Variants in SGCD observed in about 807,000 individuals in gnomAD.
SGCD encodes sarcoglycan delta, also known as delta-sarcoglycan.
A neutral mutation model predicts 36.6 loss-of-function variants in SGCD; 18 were observed. That is an observed-to-expected ratio of 0.49 (90% CI 0.34 to 0.73). The LOEUF (loss-of-function observed/expected upper bound fraction) is 0.73. SGCD is among the 30% of genes least tolerant of loss of function. The probability of loss-of-function intolerance (pLI) is 0.01; values close to 1 mark genes in which losing one functional copy is unlikely to be tolerated. For synonymous variants in SGCD, 133 were observed against 130.6 expected (o/e 1.02, Z -0.12); for missense variants, 387 against 346.7 (o/e 1.12, Z -0.92).
At chr5:156,569,459 G>T (rs989282154) in intron 4 of SGCD, among the ~76,000 whole-genome samples, 1 of 152,072 alleles carries the variant, frequency 6.6e-6, no homozygotes, top group Non-Finnish European at 1.5e-5. Context: ...AGGCATGGTG[G>T]CATGCACCTG....
chr5:156,528,962 G>T (rs1486978355), intron 4 of SGCD, among the ~76,000 whole-genome samples: 2 of 152,082 alleles, frequency 1.3e-5, no homozygotes, highest in Non-Finnish European at 2.9e-5. Context: ...ACTGCTTCTT[G>T]CTTATTTCAT....
At chr5:156,725,812 A>C (rs577576230) in intron 7 of SGCD, among the ~76,000 whole-genome samples, 1 of 152,356 alleles carries the variant, frequency 6.6e-6, no homozygotes, top group South Asian at 2.1e-4. Context: ...ACGTGTCTGC[A>C]CACAATATAA....
At chr5:155,792,040 A>G in the SGCD span, among the ~76,000 whole-genome samples, 1 of 152,274 alleles carries the variant, frequency 6.6e-6, no homozygotes, top group South Asian at 2.1e-4. Flanking sequence ...AAACAACATG[A>G]TGCTGGTACA....
intron 7 of SGCD, among the ~76,000 whole-genome samples, chr5:156,655,873 T>C (rs1763652811): frequency 6.6e-6 from 1 of 152,144 alleles, no homozygotes; most frequent in African/African-American, 2.4e-5. Flanking sequence ...TCTCAGGCTG[T>C]TCATGATCTG....
At chr5:155,917,532 G>A (rs577720576) in intron 1 of SGCD, among the ~76,000 whole-genome samples, 2 of 152,234 alleles carry the variant, frequency 1.3e-5, no homozygotes, top group Admixed American at 1.3e-4. Flanking sequence ...TGTTTTCAAT[G>A]GAAATAAAAC....
At chr5:156,417,377 G>A (rs1299856225) in intron 3 of SGCD, among the ~76,000 whole-genome samples, 1 of 152,100 alleles carries the variant, frequency 6.6e-6, no homozygotes, top group Admixed American at 6.6e-5. Context: ...TCGGTGTTTT[G>A]GGATGATGAT....
intron 1 of SGCD, among the ~76,000 whole-genome samples, chr5:155,959,430 A>G (rs1056590101): frequency 1.3e-5 from 2 of 152,070 alleles, no homozygotes; most frequent in African/African-American, 2.4e-5. Flanking sequence ...CAAACTTTCT[A>G]TAGCATATAA....
intron 1 of SGCD, among the ~76,000 whole-genome samples, chr5:155,921,879 C>T (rs1176600540): frequency 6.6e-6 from 1 of 152,150 alleles, no homozygotes; most frequent in Non-Finnish European, 1.5e-5. Flanking sequence ...AGCATAGCTT[C>T]TAAGTCATAT....
At chr5:156,346,581 T>G (rs1768952198) in intron 3 of SGCD, among the ~76,000 whole-genome samples, 1 of 152,130 alleles carries the variant, frequency 6.6e-6, no homozygotes, top group Non-Finnish European at 1.5e-5. Context: ...ATTAGAAGCA[T>G]GAGACATCAC....
intron 3 of SGCD, among the ~76,000 whole-genome samples, chr5:156,449,796 G>A (rs1753923216): frequency 7.0e-6 from 1 of 142,778 alleles, no homozygotes. Flanking sequence ...AGGTTGCAGT[G>A]AGCCAAGAAT....
At chr5:156,389,661 C>T (rs533848470) in intron 3 of SGCD, among the ~76,000 whole-genome samples, 156 of 152,232 alleles carry the variant, frequency 1.0e-3, no homozygotes, top group Non-Finnish European at 1.8e-3. Context: ...TCACTTGCCC[C>T]CTGCTCACCT....
intron 3 of SGCD, among the ~76,000 whole-genome samples, chr5:156,124,337 T>C (rs1762117456): frequency 6.6e-6 from 1 of 152,166 alleles, no homozygotes; most frequent in Non-Finnish European, 1.5e-5. Flanking sequence ...TGGGGGTAGA[T>C]ACTTATGTAA....
the SGCD span, among the ~76,000 whole-genome samples, chr5:155,853,121 CATT>C: frequency 1.3e-5 from 2 of 151,556 alleles, no homozygotes; most frequent in African/African-American, 4.8e-5. Flanking sequence ...TAAAAACATC[CATT>C]ATTATAATAT....
chr5:155,911,147 C>T (rs1756621604), intron 1 of SGCD, among the ~76,000 whole-genome samples: 1 of 152,006 alleles, frequency 6.6e-6, no homozygotes, highest in Non-Finnish European at 1.5e-5. Flanking sequence ...AATAGTGTCT[C>T]AAAGTATCCA....
At chr5:156,334,698 G>A (rs1009694572) in intron 2 of SGCD, among the ~76,000 whole-genome samples, 7 of 139,392 alleles carry the variant, frequency 5.0e-5, no homozygotes, top group East Asian at 2.1e-4. Flanking sequence ...TATAATATTC[G>A]CTGGTGTTTA....
intron 3 of SGCD, among the ~76,000 whole-genome samples, chr5:156,449,309 T>G (rs1476804107): frequency 1.3e-5 from 2 of 152,248 alleles, no homozygotes; most frequent in Non-Finnish European, 1.5e-5. Flanking sequence ...TCAAATTATT[T>G]GGATCACGTT....
intron 3 of SGCD, among the ~76,000 whole-genome samples, chr5:156,405,132 G>C (rs1208153388): frequency 6.6e-6 from 1 of 152,134 alleles, no homozygotes; most frequent in Middle Eastern, 3.2e-3. Flanking sequence ...AAAGAACTGA[G>C]GTAGCTTCTA....
chr5:156,559,148 A>G (rs1010626615), intron 4 of SGCD, among the ~76,000 whole-genome samples: 3 of 152,162 alleles, frequency 2.0e-5, no homozygotes. Context: ...CATTGTATCA[A>G]CTTTATCAGG....
chr5:156,293,948 A>C (rs1411400394), intron 3 of SGCD, among the ~76,000 whole-genome samples: 1 of 152,176 alleles, frequency 6.6e-6, no homozygotes, highest in African/African-American at 2.4e-5. Flanking sequence ...ACAATATTAA[A>C]TCTTCCAATC....
Sources: allele counts gnomAD v4.1 joint callset (sites outside exome capture counted in the v4.1 genomes callset), GRCh38; gene constraint gnomAD v4.1.1; transcripts MANE v1.5; gene names NCBI Gene and HGNC (gene_info 2026-07-23, HGNC 2026-07-21).